TPTE2: variants seen among roughly 807,000 people sequenced by gnomAD.
TPTE2 encodes the protein phosphatidylinositol 3,4,5-trisphosphate 3-phosphatase TPTE2.
TPTE2 carries 53 observed loss-of-function variants against 78.6 expected under a neutral mutation model. That is an observed-to-expected ratio of 0.67 (90% CI 0.54 to 0.85). The LOEUF (loss-of-function observed/expected upper bound fraction) is 0.85, where lower values mean the gene tolerates loss of function less well. TPTE2 is among the 40% of genes least tolerant of loss of function. The pLI is 0.00. For missense variants in TPTE2, 461 were observed against 623.0 expected, an observed-to-expected ratio of 0.74 and a Z score of 2.77; for synonymous variants, 175 against 206.2, an observed-to-expected ratio of 0.85 and a Z score of 1.30.
upstream of TPTE2, among the ~76,000 whole-genome samples, chr13:19,540,479 A>G (rs1047376662): frequency 4.0e-5 from 6 of 151,746 alleles, no homozygotes; most frequent in Non-Finnish European, 5.9e-5. Flanking sequence ...TAACTTTTGT[A>G]TTTTTAGTAG....
chr13:19,554,401 T>TAA, the TPTE2 span, among the ~76,000 whole-genome samples: 10 of 150,764 alleles, frequency 6.6e-5, no homozygotes, highest in Non-Finnish European at 4.4e-5. Flanking sequence ...AATAAATAAA[T>TAA]ATAAAAAATA....
At chr13:19,505,920 CT>C (rs1485286242), upstream of TPTE2, 2 of 151,118 alleles carry the variant, frequency 1.3e-5, no homozygotes, top group Non-Finnish European at 2.9e-5. Flanking sequence ...TGACTTCGTC[CT>C]CTTTTATCCA....
upstream of TPTE2, among the ~76,000 whole-genome samples, chr13:19,538,528 TC>T (rs1200746715): frequency 2.0e-5 from 3 of 148,134 alleles, no homozygotes; most frequent in African/African-American, 7.5e-5. Flanking sequence ...CCTTTTTTTT[TC>T]TTTTTTCTTT....
intron 4 of TPTE2, among the ~76,000 whole-genome samples, chr13:19,478,111 T>C (rs184570551): frequency 4.8e-4 from 73 of 152,234 alleles, no homozygotes; most frequent in Admixed American, 1.4e-3. Context: ...AGCATAAAAA[T>C]GTAGCAGGTG....
intron 13 of TPTE2, among the ~76,000 whole-genome samples, chr13:19,446,710 G>T (rs537594479): frequency 6.6e-6 from 1 of 152,302 alleles, no homozygotes; most frequent in Non-Finnish European, 1.5e-5. Context: ...GGAAGCTGAG[G>T]TGGGTGGATC....
chr13:19,423,025 T>C, exon 20 of TPTE2: 1 of 1,607,862 alleles, frequency 6.2e-7, no homozygotes, highest in Non-Finnish European at 8.5e-7. Context: ...AAGGGGGAGC[T>C]ATACTTAGTC....
chr13:19,505,476 A>G (rs1321168778), upstream of TPTE2, among the ~76,000 whole-genome samples: 1 of 152,088 alleles, frequency 6.6e-6, no homozygotes, highest in Non-Finnish European at 1.5e-5. Context: ...GCAGTCTGTA[A>G]GGAAACATGC....
chr13:19,555,596 C>T, the TPTE2 span, among the ~76,000 whole-genome samples: 89 of 152,088 alleles, frequency 5.9e-4, 1 homozygote, highest in Non-Finnish European at 7.4e-5. Flanking sequence ...GTGCTATTTT[C>T]CTCACTAGAG....
chr13:19,428,072 A>G (rs1263410823), intron 17 of TPTE2, among the ~76,000 whole-genome samples: 4 of 152,256 alleles, frequency 2.6e-5, no homozygotes, highest in Non-Finnish European at 2.9e-5. Context: ...GGCATGAAGC[A>G]GTTTAGATAA....
intron 3 of TPTE2, among the ~76,000 whole-genome samples, chr13:19,491,305 A>C (rs925583165): frequency 6.6e-6 from 1 of 152,232 alleles, no homozygotes; most frequent in Non-Finnish European, 1.5e-5. Flanking sequence ...ACATAGACAT[A>C]TAATGAATTT....
chr13:19,436,210 T>C lies in TPTE2; in HGVS notation c.1116+16A>G, dbSNP rs1462110694. 7 of 1,601,766 alleles carry C rather than the reference T, an allele frequency of 4.4e-6. No homozygotes were observed. The highest frequency in any genetic ancestry group is 6.0e-6 in the Non-Finnish European group (7 of 1,176,070). ...ACTCCCCTAAAAAAACTCCCATTTTTAAAAAGAAAACTTACCTGAGAAGGA... is the reference window on the plus strand; with the variant it reads ...ACTCCCCTAAAAAAACTCCCATTTTCAAAAAGAAAACTTACCTGAGAAGGA... On this transcript the variant is annotated intron_variant, in intron 15 of 19. Transcript: ENST00000400230.
chr13:19,459,526 G>T (rs1299980556), intron 10 of TPTE2, among the ~76,000 whole-genome samples: 1 of 152,210 alleles, frequency 6.6e-6, no homozygotes, highest in East Asian at 1.9e-4. Context: ...CAGGTGTGCT[G>T]CATTGTGGGG....
chr13:19,463,041 T>C (rs1385284471), intron 10 of TPTE2, among the ~76,000 whole-genome samples: 1 of 152,034 alleles, frequency 6.6e-6, no homozygotes, highest in East Asian at 1.9e-4. Flanking sequence ...TGGAGTGCAG[T>C]GGCACAATCT....
At chr13:19,561,187 C>A in the TPTE2 span, 1 of 1,548,782 alleles carries the variant, frequency 6.5e-7, no homozygotes, top group East Asian at 2.3e-5. Flanking sequence ...TCCGAGGAGC[C>A]CTTTGGACTG....
the TPTE2 span, among the ~76,000 whole-genome samples, chr13:19,544,059 T>TAAA: frequency 1.8e-3 from 4 of 2,170 alleles, no homozygotes; most frequent in Non-Finnish European, 6.1e-3. Flanking sequence ...AGAACCTGTC[T>TAAA]CAAAAAAAAA....
In TPTE2 at chr13:19,430,668, G is replaced by A. The variant is rs189361252; in HGVS notation, c.1223-121C>T. ...TATCCAAGCTAACAACGTATCAATAGTTACTTATTTGGTCTTGCATGGATT... is the reference window on the plus strand; with the variant it reads ...TATCCAAGCTAACAACGTATCAATAATTACTTATTTGGTCTTGCATGGATT... On this transcript the variant is annotated intron_variant, in intron 16 of 19. Transcript: ENST00000400230. The A allele has an allele frequency of 1.7e-5, 11 of 658,934 alleles. No homozygotes were observed. The Admixed American group carries it at 1.9e-4, about 11-fold the overall frequency. The allele number at this position is 658,934 out of a possible 1,614,324, so 40.8% of individuals were successfully genotyped here.
At position 19,462,255 on chromosome 13, in the gene TPTE2, A is replaced by C. The variant is rs576448203; in HGVS notation, c.741+2201T>G. ...TCCTCTTGCTTCCAGATGTAGAACC[A>C]CCTTAAAGCAGTCCTTGAAAGGTCA... On this transcript the variant is annotated intron_variant, in intron 10 of 19. Transcript: ENST00000400230. Among the ~76,000 whole-genome samples, 6 of 151,874 alleles carry C rather than the reference A, an allele frequency of 4.0e-5. No individual in the cohort carries two copies. In the East Asian group the frequency reaches 1.2e-3, roughly 29 times the overall value.
chr13:19,452,798 C>T (rs1173501027), intron 10 of TPTE2, among the ~76,000 whole-genome samples: 1 of 152,032 alleles, frequency 6.6e-6, no homozygotes, highest in Non-Finnish European at 1.5e-5. Flanking sequence ...TAATTTCACT[C>T]CTAGCAATCT....
At chr13:19,505,596 C>T (rs1393574997), upstream of TPTE2, among the ~76,000 whole-genome samples, 2 of 152,066 alleles carry the variant, frequency 1.3e-5, no homozygotes, top group East Asian at 3.8e-4. Context: ...AGCTGTAGCC[C>T]TGAGTCAGAA....
Sources: allele counts gnomAD v4.1 joint callset (sites outside exome capture counted in the v4.1 genomes callset), GRCh38; gene constraint gnomAD v4.1.1; transcripts MANE v1.5; gene names NCBI Gene and HGNC (gene_info 2026-07-23, HGNC 2026-07-21).